The following DNAJC15 variants were observed in gnomAD, a reference collection of about 807,000 sequenced individuals.
DNAJC15 encodes the protein DnaJ heat shock protein family (Hsp40) member C15.
DNAJC15 carries 27 observed loss-of-function variants against 22.4 expected under a neutral mutation model. That is an observed-to-expected ratio of 1.20 (90% CI 0.89 to 1.66). The LOEUF (loss-of-function observed/expected upper bound fraction) is 1.66. DNAJC15 is among the 40% of genes most tolerant of loss of function. DNAJC15 has a pLI of 0.00. For missense variants in DNAJC15, 208 were observed against 187.1 expected, an observed-to-expected ratio of 1.11 and a Z score of -0.65; for synonymous variants, 79 against 63.2, an observed-to-expected ratio of 1.25 and a Z score of -1.19.
At chr13:43,084,924 A>G (rs895752193) in intron 4 of DNAJC15, among the ~76,000 whole-genome samples, 1 of 152,222 alleles carries the variant, frequency 6.6e-6, no homozygotes, top group Non-Finnish European at 1.5e-5. Context: ...GCTACATTCC[A>G]GGTACTGTTC....
chr13:43,082,420 T>C (rs1315141631), intron 4 of DNAJC15, among the ~76,000 whole-genome samples: 1 of 152,280 alleles, frequency 6.6e-6, no homozygotes, highest in Admixed American at 6.5e-5. Flanking sequence ...GCAACAAACA[T>C]GTATTAATAT....
chr13:43,071,830 A>G (rs1209976353), intron 3 of DNAJC15, among the ~76,000 whole-genome samples: 6 of 152,066 alleles, frequency 3.9e-5, no homozygotes, highest in East Asian at 1.9e-4. Context: ...TTGTTTTTCA[A>G]TCTTATCTCT....
chr13:43,058,311 C>T (rs746942289), intron 1 of DNAJC15, among the ~76,000 whole-genome samples: 5 of 152,126 alleles, frequency 3.3e-5, no homozygotes, highest in Non-Finnish European at 5.9e-5. Context: ...TTGGTTTTCT[C>T]AGCTGATGGG....
chr13:43,053,315 A>G (rs2040514121), intron 1 of DNAJC15, among the ~76,000 whole-genome samples: 1 of 152,184 alleles, frequency 6.6e-6, no homozygotes, highest in African/African-American at 2.4e-5. Flanking sequence ...GCTTTATAGT[A>G]TAGTTTGAAG....
chr13:43,077,497 A>C (rs2040639087), intron 3 of DNAJC15, among the ~76,000 whole-genome samples: 1 of 152,204 alleles, frequency 6.6e-6, no homozygotes, highest in Admixed American at 6.5e-5. Context: ...CATAGGATTA[A>C]ATGACATTAC....
intron 5 of DNAJC15, among the ~76,000 whole-genome samples, chr13:43,086,508 C>T (rs1418067323): frequency 3.3e-5 from 5 of 152,130 alleles, no homozygotes; most frequent in African/African-American, 7.2e-5. Flanking sequence ...TTCTTATTTA[C>T]AGACTTTCAG....
Position 43,038,295 on chromosome 13 carries a change from T to C in DNAJC15, c.108+14561T>C, listed in dbSNP as rs140375724. 1.8e-3 allele frequency among the ~76,000 whole-genome samples: 268 copies of C among 152,346 alleles called. 2 individuals carry two copies. Among genetic ancestry groups the C allele is most frequent in the African/African-American group, 6.2e-3 (257 of 41,584 alleles). ...AGCCATCAGTTCAGGAGATTGTTCA[T>C]TGAACCATTCTTTTGACAATTTGTA... On this transcript the variant is annotated intron_variant, in intron 1 of 5. Transcript: ENST00000379221.
In DNAJC15 at chr13:43,107,209, T is replaced by A. The variant is rs150004773; in HGVS notation, c.414T>A (p.Asn138Lys). 1.3e-6 allele frequency: 2 copies of A among 1,590,796 alleles called. No homozygotes were observed. The highest frequency in any genetic ancestry group is 2.3e-5 in the South Asian group (2 of 87,482). ...GGSPYVAAKI[N>K]EAKDLLETTT... The stretch of plus-strand genomic sequence containing the variant: ...CTCCTTACGTAGCAGCCAAAATAAA[T>A]GAAGCAAAAGACTTGCTAGAAACAA... Residue 138 changes from asparagine to lysine, a missense_variant, in exon 6 of 6, where the codon AAT (asparagine) becomes AAA (lysine). By Grantham distance (94) the Asn-to-Lys change is moderately conservative (BLOSUM62 0). Coordinates refer to ENST00000379221, the MANE Select transcript of DNAJC15 (RefSeq NM_013238.3).
chr13:43,054,284 G>A (rs2040519256), intron 1 of DNAJC15, among the ~76,000 whole-genome samples: 1 of 152,154 alleles, frequency 6.6e-6, no homozygotes, highest in Non-Finnish European at 1.5e-5. Flanking sequence ...GTTTTGATAT[G>A]CTGTTGGGTT....
At chr13:43,066,959 T>C (rs2040587313) in intron 2 of DNAJC15, among the ~76,000 whole-genome samples, 1 of 152,236 alleles carries the variant, frequency 6.6e-6, no homozygotes, top group African/African-American at 2.4e-5. Flanking sequence ...GTAAATTTGC[T>C]GAGTCTGTCA....
intron 1 of DNAJC15, among the ~76,000 whole-genome samples, chr13:43,034,871 C>T (rs2040422441): frequency 6.6e-6 from 1 of 152,018 alleles, no homozygotes; most frequent in Non-Finnish European, 1.5e-5. Flanking sequence ...GTATTTCCTG[C>T]CCCAGTCCCA....
rs1472368398 is a variant in DNAJC15 at position 43,113,044 on chromosome 13, T to A, written c.*5796T>A. Reference sequence around the variant, plus strand: ...CTGTTGTAAAGTTTAGCAGAGTGACTTTCTTTGACTCAGAGTGATGACGGA... The same window carrying A: ...CTGTTGTAAAGTTTAGCAGAGTGACATTCTTTGACTCAGAGTGATGACGGA... On this transcript the variant is annotated 3_prime_UTR_variant, in exon 6 of 6. Transcript: ENST00000379221. 6.6e-6 allele frequency: 1 copy of A among 152,202 alleles called. No individual in the cohort carries two copies. Among genetic ancestry groups the A allele is most frequent in the African/African-American group, 2.4e-5 (1 of 41,440 alleles). The allele number at this position is 152,202 out of a possible 1,614,324, so 9.4% of individuals were successfully genotyped here.
chr13:43,070,769 A>G (rs1449808963), intron 3 of DNAJC15, among the ~76,000 whole-genome samples: 1 of 152,160 alleles, frequency 6.6e-6, no homozygotes, highest in African/African-American at 2.4e-5. Context: ...TAGACAATGA[A>G]AAAAAACTTC....
At chr13:43,056,412 A>C (rs1309182181) in intron 1 of DNAJC15, among the ~76,000 whole-genome samples, 1 of 152,224 alleles carries the variant, frequency 6.6e-6, no homozygotes, top group Non-Finnish European at 1.5e-5. Flanking sequence ...TGCTGGGGTT[A>C]CAGTGTGAAC....
chr13:43,068,729 A>G (rs1394780155), intron 2 of DNAJC15, among the ~76,000 whole-genome samples: 3 of 152,118 alleles, frequency 2.0e-5, no homozygotes, highest in Non-Finnish European at 4.4e-5. Context: ...TTTAATGGCT[A>G]TGATAATGGT....
intron 1 of DNAJC15, among the ~76,000 whole-genome samples, chr13:43,060,428 G>A (rs923218540): frequency 5.3e-5 from 8 of 152,114 alleles, no homozygotes; most frequent in Admixed American, 5.2e-4. Context: ...GGTATTAAAG[G>A]ACTAAGAATT....
intron 5 of DNAJC15, among the ~76,000 whole-genome samples, chr13:43,088,390 T>C (rs1466137753): frequency 6.6e-6 from 1 of 152,212 alleles, no homozygotes. Flanking sequence ...GAAAATGTCC[T>C]ATTAGCTCTC....
intron 1 of DNAJC15, among the ~76,000 whole-genome samples, chr13:43,044,430 A>G (rs2040467201): frequency 6.6e-6 from 1 of 152,196 alleles, no homozygotes; most frequent in South Asian, 2.1e-4. Context: ...TTAGAAAGTA[A>G]GTCCAAAAGA....
intron 1 of DNAJC15, among the ~76,000 whole-genome samples, chr13:43,036,277 G>A (rs1055354385): frequency 6.7e-6 from 1 of 148,200 alleles, no homozygotes; most frequent in African/African-American, 2.5e-5. Context: ...GCAGTCCTCC[G>A]ACCTCAGCTT....
Sources: allele counts gnomAD v4.1 joint callset (sites outside exome capture counted in the v4.1 genomes callset), GRCh38; gene constraint gnomAD v4.1.1; transcripts MANE v1.5; gene names NCBI Gene and HGNC (gene_info 2026-07-23, HGNC 2026-07-21).